Variants in RAB38 observed in about 807,000 individuals in gnomAD.
RAB38 encodes the protein ras-related protein Rab-38.
A neutral mutation model predicts 18.4 loss-of-function variants in RAB38; 15 were observed. That is an observed-to-expected ratio of 0.82 (90% CI 0.55 to 1.26). The LOEUF is 1.26. RAB38 is among the 50% of genes most tolerant of loss of function. The pLI is 0.00. For missense variants in RAB38, 294 were observed against 267.4 expected, an observed-to-expected ratio of 1.10 and a Z score of -0.69; for synonymous variants, 101 against 104.4, an observed-to-expected ratio of 0.97 and a Z score of 0.20.
chr11:88,006,173 A>G, the RAB38 span, among the ~76,000 whole-genome samples: 1 of 151,612 alleles, frequency 6.6e-6, no homozygotes, highest in Non-Finnish European at 1.5e-5. Context: ...AAATAAAAAA[A>G]AAAATGCTTG....
At chr11:88,062,624 C>G in the RAB38 span, among the ~76,000 whole-genome samples, 1 of 152,186 alleles carries the variant, frequency 6.6e-6, no homozygotes, top group Non-Finnish European at 1.5e-5. Context: ...AGCACAGTAG[C>G]TGCTTAAAGT....
chr11:87,827,794 G>C, the RAB38 span, among the ~76,000 whole-genome samples: 1 of 152,158 alleles, frequency 6.6e-6, no homozygotes, highest in Non-Finnish European at 1.5e-5. Context: ...CTCAAACAGA[G>C]ATTCTGGCAA....
chr11:88,054,186 A>T, the RAB38 span, among the ~76,000 whole-genome samples: 1 of 152,184 alleles, frequency 6.6e-6, no homozygotes, highest in Admixed American at 6.5e-5. Flanking sequence ...AGTCTGAATG[A>T]CAGATAACAT....
the RAB38 span, among the ~76,000 whole-genome samples, chr11:87,856,451 A>G: frequency 1.3e-5 from 2 of 152,326 alleles, no homozygotes; most frequent in African/African-American, 2.4e-5. Context: ...ATAAATATTT[A>G]TTAACGTAAG....
chr11:87,951,638 C>T, the RAB38 span, among the ~76,000 whole-genome samples: 11 of 152,122 alleles, frequency 7.2e-5, no homozygotes, highest in African/African-American at 2.4e-4. Flanking sequence ...AGCTGCAGGT[C>T]TGTTGGAGTT....
At chr11:88,079,719 G>A in the RAB38 span, among the ~76,000 whole-genome samples, 1 of 151,364 alleles carries the variant, frequency 6.6e-6, no homozygotes, top group Non-Finnish European at 1.5e-5. Context: ...GTTTATCCCA[G>A]GAATGCAAAG....
At chr11:87,807,746 T>C in the RAB38 span, among the ~76,000 whole-genome samples, 2 of 152,024 alleles carry the variant, frequency 1.3e-5, no homozygotes, top group Non-Finnish European at 2.9e-5. Flanking sequence ...ATCACAAAGG[T>C]GTGACGAAGA....
the RAB38 span, among the ~76,000 whole-genome samples, chr11:88,064,909 T>C: frequency 2.0e-5 from 3 of 152,238 alleles, no homozygotes; most frequent in African/African-American, 4.8e-5. Flanking sequence ...TCTGGTCACA[T>C]GGTGCTTACA....
chr11:88,007,777 C>T, the RAB38 span, among the ~76,000 whole-genome samples: 500 of 152,084 alleles, frequency 3.3e-3, 3 homozygotes, highest in African/African-American at 0.012. Context: ...CATATATGTA[C>T]AATATTGCTT....
the RAB38 span, among the ~76,000 whole-genome samples, chr11:87,860,526 C>A: frequency 2.0e-5 from 3 of 151,580 alleles, no homozygotes; most frequent in African/African-American, 7.3e-5. Flanking sequence ...ACTTTCATTG[C>A]GAATACGTTT....
At chr11:87,948,938 T>A in the RAB38 span, among the ~76,000 whole-genome samples, 120 of 152,214 alleles carry the variant, frequency 7.9e-4, 4 homozygotes, top group Admixed American at 7.5e-3. Flanking sequence ...CTTTTTCTAT[T>A]GATTGGAATA....
At chr11:87,820,287 G>T in the RAB38 span, among the ~76,000 whole-genome samples, 11 of 152,136 alleles carry the variant, frequency 7.2e-5, no homozygotes, top group African/African-American at 2.7e-4. Context: ...GATTTCTCTG[G>T]CAAAACTAGG....
the RAB38 span, among the ~76,000 whole-genome samples, chr11:87,808,033 A>G: frequency 6.6e-6 from 1 of 152,208 alleles, no homozygotes; most frequent in African/African-American, 2.4e-5. Flanking sequence ...CAGAGTGTAC[A>G]TATACCTCCC....
intron 2 of RAB38, among the ~76,000 whole-genome samples, chr11:88,137,793 A>G (rs952751500): frequency 2.0e-5 from 3 of 152,236 alleles, no homozygotes; most frequent in Non-Finnish European, 4.4e-5. Context: ...GATTCTAAAA[A>G]CTACCAGACA....
the RAB38 span, among the ~76,000 whole-genome samples, chr11:88,019,958 C>A: frequency 6.6e-6 from 1 of 152,120 alleles, no homozygotes; most frequent in African/African-American, 2.4e-5. Context: ...CTCTCTAATT[C>A]AGCACTGTAG....
chr11:88,154,687 G>A (rs1356664945), intron 1 of RAB38, among the ~76,000 whole-genome samples: 1 of 152,136 alleles, frequency 6.6e-6, no homozygotes, highest in Non-Finnish European at 1.5e-5. Context: ...GCATTCAGAC[G>A]ACCTGTTCAG....
the RAB38 span, among the ~76,000 whole-genome samples, chr11:88,103,784 G>A: frequency 4.6e-5 from 7 of 152,074 alleles, no homozygotes; most frequent in African/African-American, 9.7e-5. Context: ...TTGCCAGTAG[G>A]CACAATGTAA....
the RAB38 span, among the ~76,000 whole-genome samples, chr11:87,850,567 G>C: frequency 6.6e-6 from 1 of 151,986 alleles, no homozygotes; most frequent in African/African-American, 2.4e-5. Context: ...TTGGCTCATG[G>C]TTTTATTCAG....
At chr11:88,121,568 T>A (rs1393922047) in intron 2 of RAB38, among the ~76,000 whole-genome samples, 1 of 151,082 alleles carries the variant, frequency 6.6e-6, no homozygotes, top group South Asian at 2.1e-4. Context: ...GCTGCTCTTT[T>A]TTTGTTTTTT....
Sources: allele counts gnomAD v4.1 joint callset (sites outside exome capture counted in the v4.1 genomes callset), GRCh38; gene constraint gnomAD v4.1.1; transcripts MANE v1.5; gene names NCBI Gene and HGNC (gene_info 2026-07-23, HGNC 2026-07-21).